Variants in COL16A1 observed in about 807,000 individuals in gnomAD.
COL16A1 encodes the protein collagen type XVI alpha 1 chain, also known as collagen alpha-1(XVI) chain.
COL16A1 carries 189 observed loss-of-function variants against 266.3 expected under a neutral mutation model. The ratio of observed to expected loss-of-function variants is 0.71; its 90% confidence interval spans 0.63 to 0.80. The LOEUF is 0.80. COL16A1 is among the 30% of genes least tolerant of loss of function. The probability of loss-of-function intolerance (pLI) is 0.00; values close to 1 mark genes in which losing one functional copy is unlikely to be tolerated. For missense variants in COL16A1, 1,928 were observed against 2,122.4 expected (o/e 0.91, Z 1.80); for synonymous variants, 740 against 782.3 (o/e 0.95, Z 0.90).
rs1297424623 is a variant in COL16A1 at position 31,670,509 on chromosome 1, G to A, written c.3195+93C>T. On this transcript the variant is annotated intron_variant, in intron 49 of 70. Coordinates refer to ENST00000373672, the MANE Select transcript of COL16A1 (RefSeq NM_001856.4). This position sits in a 1 kb window ranked among gnomAD's most constrained non-coding sequence, Gnocchi z 4.5. ...AAGGGGGACAACAAACACGGAGGAC[G>A]GAGGTGAAGGCACGACAGGAGGGAG... 9.3e-6 allele frequency: 12 copies of A among 1,285,362 alleles called. No individual in the cohort carries two copies. Among genetic ancestry groups the A allele is most frequent in the East Asian group, 6.3e-5 (2 of 31,836 alleles). The allele number at this position is 1,285,362 out of a possible 1,614,324, so 79.6% of individuals were successfully genotyped here.
In COL16A1 at chr1:31,691,982, G is replaced by A. The variant is rs551176143; in HGVS notation, c.1257+23C>T. 2.9e-5 allele frequency: 46 copies of A among 1,613,564 alleles called. No individual in the cohort carries two copies. The South Asian group carries it at 4.7e-4, about 17-fold the overall frequency. On this transcript the variant is annotated intron_variant, in intron 17 of 70. Coordinates refer to ENST00000373672, the MANE Select transcript of COL16A1 (RefSeq NM_001856.4). ...CAGACCCCGTGCTGTGGGTTGTGGT[G>A]GGGAAGGGTCCCAGGCACCTACGTC...
In COL16A1 at chr1:31,680,092, C is replaced by T. The variant is rs41263969; in HGVS notation, c.2620G>A (p.Gly874Arg). ...CCTTGAGAGGGGCAGGAGCACTCCC[C>T]TGGCTCACCCTGAAAATACAAGAGC... ...KGPRGEKGEPGECSCPSQGDL... is the reference protein window; with the variant it reads ...KGPRGEKGEPRECSCPSQGDL... Residue 874 changes from glycine (G) to arginine (R), a missense_variant, in exon 40 of 71, where the codon GGG (glycine) becomes AGG (arginine). Physicochemically the swap from Gly to Arg is moderately radical, Grantham distance 125. This residue lies in a region of COL16A1 where 1,552 missense variants were observed against 1,637.2 expected (regional missense o/e 0.95). Transcript: ENST00000373672. 8,154 of 1,613,522 alleles carry T rather than the reference C, an allele frequency of 5.1e-3. 22 individuals carry two copies. Among genetic ancestry groups the T allele is most frequent in the Non-Finnish European group, 5.8e-3 (6,899 of 1,179,782 alleles).
At chr1:31,680,805 C>G in intron 39 of COL16A1, 100 bp downstream of exon 39, 1 of 1,596,940 alleles carries the variant, frequency 6.3e-7, no homozygotes, top group Non-Finnish European at 8.5e-7. Flanking sequence ...GGTGGGAAGG[C>G]TGGAGGGGCT....
chr1:31,655,179 A>T, intron 67 of COL16A1, 135 bp downstream of exon 67: 1 of 1,400,330 alleles, frequency 7.1e-7, no homozygotes, highest in Non-Finnish European at 9.5e-7. Flanking sequence ...TTCCGCACAC[A>T]GTTAAGAGCT....
intron 34 of COL16A1, 100 bp downstream of exon 34, chr1:31,683,607 T>C (rs1643805965): frequency 1.2e-6 from 2 of 1,606,876 alleles, no homozygotes; most frequent in African/African-American, 1.3e-5. Flanking sequence ...CCTGTGCCTC[T>C]GGGGGCAGGC....
At chr1:31,672,894 G>C (rs1287775994) in intron 44 of COL16A1, 54 bp from the exon 45 acceptor site, 11 of 1,544,374 alleles carry the variant, frequency 7.1e-6, no homozygotes, top group Admixed American at 3.5e-5. Flanking sequence ...GGGCAGGATG[G>C]GCCAACTGGG....
chr1:31,655,133 C>T (rs1467662615), intron 67 of COL16A1, among the ~76,000 whole-genome samples, 181 bp downstream of exon 67: 1 of 152,002 alleles, frequency 6.6e-6, no homozygotes, highest in East Asian at 1.9e-4. Flanking sequence ...TTCTTAAGTG[C>T]ATTTTTCTGG....
At position 31,697,708 on chromosome 1, in the gene COL16A1, G is replaced by A. The variant is rs1452591057; in HGVS notation, c.657+198C>T. On this transcript the variant is annotated intron_variant, in intron 6 of 70. Transcript: ENST00000373672. This position sits in a 1 kb window ranked among gnomAD's most constrained non-coding sequence, Gnocchi z 4.2. ...ACGGAGAGATGTAAAGGAAGATGGT[G>A]CTGCAGACACTTATAAGGACCAGAT... is the stretch of plus-strand genomic sequence containing the variant. Among the ~76,000 whole-genome samples, 1 of 152,220 alleles carries A rather than the reference G, an allele frequency of 6.6e-6. No homozygotes were observed. Among genetic ancestry groups the A allele is most frequent in the African/African-American group, 2.4e-5 (1 of 41,468 alleles).
At chr1:31,695,021 G>T in intron 11 of COL16A1, 165 bp downstream of exon 11, 1 of 706,342 alleles carries the variant, frequency 1.4e-6, no homozygotes. Flanking sequence ...GCTTGGTGGA[G>T]ATGGCAGTGG....
intron 17 of COL16A1, 115 bp from the exon 18 acceptor site, chr1:31,691,757 C>T (rs1644281560): frequency 7.4e-7 from 1 of 1,343,362 alleles, no homozygotes; most frequent in African/African-American, 1.5e-5. Context: ...CAAACCAGAG[C>T]CCACCCTGGT....
At chr1:31,700,568 T>G (rs1644688848) in intron 2 of COL16A1, among the ~76,000 whole-genome samples, 1 of 152,204 alleles carries the variant, frequency 6.6e-6, no homozygotes, top group African/African-American at 2.4e-5. Context: ...TAAGGAAATG[T>G]CAGAATCATG....
intron 42 of COL16A1, among the ~76,000 whole-genome samples, chr1:31,676,111 G>A (rs560318659): frequency 2.0e-5 from 3 of 152,232 alleles, no homozygotes; most frequent in Non-Finnish European, 4.4e-5. Context: ...GATCACCTGA[G>A]GCCGGGAATT....
At chr1:31,679,938 G>A in intron 40 of COL16A1, 87 bp from the exon 41 acceptor site, 1 of 1,555,548 alleles carries the variant, frequency 6.4e-7, no homozygotes, top group South Asian at 1.2e-5. Flanking sequence ...GAGGCGGCTG[G>A]CTGGGGTGCG....
intron 42 of COL16A1, 124 bp downstream of exon 42, chr1:31,679,508 G>A: frequency 6.2e-7 from 1 of 1,613,914 alleles, no homozygotes; most frequent in Non-Finnish European, 8.5e-7. Context: ...AAACAGAGGA[G>A]TGAGAAATGG....
At chr1:31,655,746 G>A (rs564647786) in intron 66 of COL16A1, 110 of 613,754 alleles carry the variant, frequency 1.8e-4, no homozygotes, top group Middle Eastern at 4.5e-4. Flanking sequence ...GCACTCATTC[G>A]TTGGCCGGGC....
At chr1:31,678,328 C>T (rs903567753) in intron 42 of COL16A1, among the ~76,000 whole-genome samples, 3 of 152,216 alleles carry the variant, frequency 2.0e-5, no homozygotes, top group African/African-American at 7.2e-5. Flanking sequence ...GAGCCAGACA[C>T]ACGGACAGTG....
In COL16A1 at chr1:31,662,671, GCCGCCCCCCCCCC is replaced by G; in HGVS notation, c.3556-26_3556-14del. 1 of 1,463,192 alleles carries G rather than the reference GCCGCCCCCCCCCC, an allele frequency of 6.8e-7. No individual in the cohort carries two copies. The highest frequency in any genetic ancestry group is 9.1e-7 in the Non-Finnish European group (1 of 1,102,030). 90.6% of individuals were successfully genotyped at this position (1,463,192 alleles called of 1,614,324 possible). A position where few individuals can be genotyped will look rare whatever the true frequency, so the allele number is the denominator to read the frequency against. ...TCCCTTCGCTGCCCTGGAAACCAGC[GCCGCCCCCCCCCC>G]CCGCCCCACAATAAAGTCAGCAGGG... On this transcript the variant is annotated splice_polypyrimidine_tract_variant and intron_variant, in intron 56 of 70. Transcript: ENST00000373672.
At position 31,653,630 on chromosome 1, in the gene COL16A1, A is replaced by G. The variant is rs577427684; in HGVS notation, c.4581T>C (p.Ile1527=). 215 of 1,613,976 alleles carry G rather than the reference A, an allele frequency of 1.3e-4. 3 individuals are homozygous for G. In the South Asian group the frequency reaches 2.1e-3, roughly 16 times the overall value. The change falls in exon 70 of 71, where the codon ATT becomes ATC. Residue 1527 remains isoleucine (I), a synonymous_variant. Coordinates refer to ENST00000373672, the MANE Select transcript of COL16A1 (RefSeq NM_001856.4). The stretch of plus-strand genomic sequence containing the variant: ...GGCCGGGAAGACCATTTTCTCCTGC[A>G]ATGCCAATACCAATGTCCCCTTTTT... ...KGEKGDIGIG[I]AGENGLPGPP... is the part of the protein sequence containing the mutation.
chr1:31,696,241 C>A, intron 8 of COL16A1, 100 bp from the exon 9 acceptor site: 1 of 1,080,398 alleles, frequency 9.3e-7, no homozygotes, highest in South Asian at 1.4e-5. Context: ...CCCAGGTAAT[C>A]CTTCAGCCTG....
Sources: allele counts gnomAD v4.1 joint callset (sites outside exome capture counted in the v4.1 genomes callset), GRCh38; gene constraint gnomAD v4.1.1; regional missense constraint gnomAD v4.1.1; non-coding constraint Gnocchi (gnomAD v3.1); transcripts MANE v1.5; gene names NCBI Gene and HGNC (gene_info 2026-07-23, HGNC 2026-07-21).